Variants in RDH10 observed in about 807,000 individuals in gnomAD.
RDH10 encodes the protein retinol dehydrogenase 10.
Under a neutral mutation model 30.2 loss-of-function variants are expected in RDH10, and 12 were observed. That is an observed-to-expected ratio of 0.40 (90% CI 0.25 to 0.64). The LOEUF (loss-of-function observed/expected upper bound fraction) is 0.64, where lower values mean the gene tolerates loss of function less well. Among genes scored for constraint, RDH10 ranks in the 30% least tolerant of loss-of-function variants. RDH10 has a pLI of 0.43. For missense variants in RDH10, 268 were observed against 445.2 expected (o/e 0.60, Z 3.58); for synonymous variants, 189 against 172.2 (o/e 1.10, Z -0.76).
chr8:73,315,046 A>C (rs1261675183), intron 2 of RDH10, among the ~76,000 whole-genome samples: 2 of 152,126 alleles, frequency 1.3e-5, no homozygotes, highest in Admixed American at 1.3e-4. Flanking sequence ...ATATTTCTCC[A>C]AATGTTTATA....
intron 3 of RDH10, among the ~76,000 whole-genome samples, chr8:73,320,123 C>G (rs986023071): frequency 7.9e-5 from 12 of 152,186 alleles, no homozygotes; most frequent in African/African-American, 2.9e-4. Context: ...ATTTTAACTT[C>G]GCCTTACAAA....
chr8:73,301,195 C>T (rs1257878833), intron 2 of RDH10, among the ~76,000 whole-genome samples: 2 of 150,568 alleles, frequency 1.3e-5, no homozygotes, highest in East Asian at 2.0e-4. Context: ...GGACTACAGG[C>T]GCCCGCTACC....
At chr8:73,317,029 C>G (rs1011950260) in intron 2 of RDH10, among the ~76,000 whole-genome samples, 2 of 152,168 alleles carry the variant, frequency 1.3e-5, no homozygotes. Context: ...TAGCTCTCCT[C>G]CACAGTGCCT....
intron 2 of RDH10, among the ~76,000 whole-genome samples, chr8:73,307,865 C>G (rs1814490319): frequency 6.6e-6 from 1 of 152,182 alleles, no homozygotes; most frequent in African/African-American, 2.4e-5. Flanking sequence ...TTAACCCTAG[C>G]TTAATATCCC....
intron 1 of RDH10, 125 bp from the exon 2 acceptor site, chr8:73,297,069 A>G: frequency 1.5e-6 from 1 of 664,572 alleles, no homozygotes; most frequent in Non-Finnish European, 2.8e-6. Context: ...CAGCGTTAGA[A>G]ATTTGAAGCT....
chr8:73,311,727 T>C (rs1431434207), intron 2 of RDH10: 1 of 152,266 alleles, frequency 6.6e-6, no homozygotes, highest in Non-Finnish European at 1.5e-5. Context: ...AGTGAATGTT[T>C]TGTCCCAATC....
intron 2 of RDH10, among the ~76,000 whole-genome samples, chr8:73,300,173 A>G (rs1814350771): frequency 6.6e-6 from 1 of 152,240 alleles, no homozygotes; most frequent in Non-Finnish European, 1.5e-5. Flanking sequence ...TTTATTTTCA[A>G]TATTGAGTCA....
chr8:73,325,070 G>A lies in RDH10; in HGVS notation c.*2034G>A, dbSNP rs1204912537. Reference sequence around the variant, plus strand: ...ACAGATATACTCAGAGATTATCCAGGTCTGCCTCCCAGCGAGCCTGGAGTA... The same window carrying A: ...ACAGATATACTCAGAGATTATCCAGATCTGCCTCCCAGCGAGCCTGGAGTA... On this transcript the variant is annotated 3_prime_UTR_variant, in exon 6 of 6. Transcript: ENST00000240285. 1 of 152,144 alleles carries A rather than the reference G, an allele frequency of 6.6e-6. No homozygotes were observed. The highest frequency in any genetic ancestry group is 2.4e-5 in the African/African-American group (1 of 41,426). The allele number at this position is 152,144 out of a possible 1,614,324, so 9.4% of individuals were successfully genotyped here. A position where few individuals can be genotyped will look rare whatever the true frequency, so the allele number is the denominator to read the frequency against.
intron 1 of RDH10, 192 bp downstream of exon 1, chr8:73,295,770 A>T (rs1814250858): frequency 5.3e-6 from 5 of 946,868 alleles, no homozygotes; most frequent in South Asian, 4.5e-5. Context: ...ATTACCAGGG[A>T]GAAGGTGCCC....
At chr8:73,318,740 T>C (rs927239557) in intron 2 of RDH10, among the ~76,000 whole-genome samples, 1 of 152,206 alleles carries the variant, frequency 6.6e-6, no homozygotes, top group Non-Finnish European at 1.5e-5. Flanking sequence ...CATTGAAGTG[T>C]CACGAGCAGA....
At chr8:73,299,192 CAAGT>C (rs377012745) in intron 2 of RDH10, among the ~76,000 whole-genome samples, 1,786 of 152,242 alleles carry the variant, frequency 0.012, 31 homozygotes, top group African/African-American at 0.041. Context: ...ATGTTTTAAA[CAAGT>C]AAGGAAATCA....
rs1814235939 is a variant in RDH10, at chr8:73,295,153, C to T, written c.-137C>T. On this transcript the variant is annotated 5_prime_UTR_variant, in exon 1 of 6. Coordinates refer to ENST00000240285, the MANE Select transcript of RDH10 (RefSeq NM_172037.5). ...GCCGCGCACTCCAACCCGGCGGGCA[C>T]CTCGGGGGCGGGCGCGGGGCGCAGC... 1.2e-6 allele frequency: 1 copy of T among 829,852 alleles called. No individual in the cohort carries two copies. Among genetic ancestry groups the T allele is most frequent in the Non-Finnish European group, 1.7e-6 (1 of 584,150 alleles). 51.4% of individuals were successfully genotyped at this position (829,852 alleles called of 1,614,324 possible). A position where few individuals can be genotyped will look rare whatever the true frequency, so the allele number is the denominator to read the frequency against.
chr8:73,310,519 TG>T (rs1167793552), intron 2 of RDH10, among the ~76,000 whole-genome samples: 1 of 152,352 alleles, frequency 6.6e-6, no homozygotes, highest in East Asian at 1.9e-4. Context: ...TAAGCTCGCA[TG>T]CATGTGTTTA....
chr8:73,321,896 A>G (rs760508194), intron 4 of RDH10: 18 of 456,160 alleles, frequency 3.9e-5, no homozygotes, highest in African/African-American at 2.8e-4. Context: ...TGGAGTCCCA[A>G]GTCTGACCTG....
At chr8:73,304,970 ATTTG>A (rs1814442927) in intron 2 of RDH10, among the ~76,000 whole-genome samples, 1 of 152,074 alleles carries the variant, frequency 6.6e-6, no homozygotes, top group Non-Finnish European at 1.5e-5. Flanking sequence ...CAAAGTTGGT[ATTTG>A]TTCTTTTCTG....
At chr8:73,295,919 A>G (rs1338318481) in intron 1 of RDH10, 9 of 942,564 alleles carry the variant, frequency 9.5e-6, no homozygotes, top group East Asian at 6.1e-5. Context: ...TCCGACTTAC[A>G]AGCGGCGCGA....
In RDH10 at chr8:73,303,047, A is replaced by G. The variant is rs184769109; in HGVS notation, c.525+5618A>G. ...ACTTCTATTGATATGGTAGTCAGACAAGATAATTGGTAGTTAATTAATAGA... is the reference window on the plus strand; with the variant it reads ...ACTTCTATTGATATGGTAGTCAGACGAGATAATTGGTAGTTAATTAATAGA... On this transcript the variant is annotated intron_variant, in intron 2 of 5. Transcript: ENST00000240285. Among the ~76,000 whole-genome samples, 30 of 151,778 alleles carry G rather than the reference A, an allele frequency of 2.0e-4. No homozygotes were observed. The East Asian group carries it at 5.0e-3, about 25-fold the overall frequency.
At chr8:73,308,403 A>G (rs1393654198) in intron 2 of RDH10, among the ~76,000 whole-genome samples, 5 of 152,230 alleles carry the variant, frequency 3.3e-5, no homozygotes, top group Admixed American at 2.6e-4. Flanking sequence ...CATGTGATCT[A>G]TAAAGGGGTA....
chr8:73,299,535 A>C lies in RDH10; in HGVS notation c.525+2106A>C, dbSNP rs531570920. ...GTAAAAACTGCAGTTGATTTAAGTC[A>C]GCCCTAAACAGTTACAGCACTATCA... On this transcript the variant is annotated intron_variant, in intron 2 of 5. Coordinates refer to ENST00000240285, the MANE Select transcript of RDH10 (RefSeq NM_172037.5). Among the ~76,000 whole-genome samples, 9 of 152,362 alleles carry C rather than the reference A, an allele frequency of 5.9e-5. No homozygotes were observed. The East Asian group carries it at 1.3e-3, about 23-fold the overall frequency.
Sources: gnomAD v4.1 joint callset for allele counts (sites outside exome capture counted in the v4.1 genomes callset) on GRCh38, gnomAD v4.1.1 for gene constraint, MANE v1.5 for transcripts, NCBI Gene and HGNC (gene_info 2026-07-23, HGNC 2026-07-21) for gene names.